The following ERC1 variants were observed in gnomAD, a reference collection of about 807,000 sequenced individuals.
ERC1 encodes RAB6 interacting protein 2.
ERC1 carries 56 observed loss-of-function variants against 132.0 expected under a neutral mutation model. The ratio of observed to expected loss-of-function variants is 0.42; its 90% CI spans 0.34 to 0.53. The LOEUF is 0.53. ERC1 is among the 20% of genes least tolerant of loss of function. ERC1 has a pLI of 0.03. For missense variants in ERC1, 1,202 were observed against 1,349.9 expected, an observed-to-expected ratio of 0.89 and a Z score of 1.72; for synonymous variants, 478 against 476.1, an observed-to-expected ratio of 1.00 and a Z score of -0.05.
intron 11 of ERC1, among the ~76,000 whole-genome samples, chr12:1,186,968 T>C (rs1955167801): frequency 6.6e-6 from 1 of 152,146 alleles, no homozygotes; most frequent in East Asian, 1.9e-4. Flanking sequence ...GTAGCTGGGA[T>C]TACAGGTGTG....
intron 15 of ERC1, among the ~76,000 whole-genome samples, chr12:1,304,904 C>T (rs2080749344): frequency 6.7e-6 from 1 of 148,962 alleles, no homozygotes; most frequent in Admixed American, 6.8e-5. Flanking sequence ...ATTCTCCTAC[C>T]TCAGCCTCCC....
intron 2 of ERC1, among the ~76,000 whole-genome samples, chr12:1,031,659 T>C (rs1287570701): frequency 6.6e-6 from 1 of 152,228 alleles, no homozygotes; most frequent in Non-Finnish European, 1.5e-5. Context: ...TACTCAAAAT[T>C]TGAATGTTTT....
chr12:1,051,518 C>T (rs1397920654), intron 2 of ERC1, among the ~76,000 whole-genome samples: 4 of 142,834 alleles, frequency 2.8e-5, no homozygotes, highest in Admixed American at 7.1e-5. Flanking sequence ...AGCAAGGCCT[C>T]GTCTCTACCC....
intron 14 of ERC1, among the ~76,000 whole-genome samples, chr12:1,266,781 A>G (rs557725855): frequency 2.6e-5 from 4 of 152,310 alleles, no homozygotes; most frequent in African/African-American, 9.6e-5. Context: ...TAATCTACAA[A>G]TGTTCTTTTG....
At chr12:1,173,833 T>C (rs1301341206) in intron 8 of ERC1, among the ~76,000 whole-genome samples, 1 of 152,228 alleles carries the variant, frequency 6.6e-6, no homozygotes, top group Admixed American at 6.5e-5. Context: ...AAAGTGAGGA[T>C]ATGTCATGGG....
At chr12:1,118,547 A>G (rs1460794384) in intron 7 of ERC1, among the ~76,000 whole-genome samples, 1 of 152,246 alleles carries the variant, frequency 6.6e-6, no homozygotes, top group Non-Finnish European at 1.5e-5. Flanking sequence ...AAATAGAACC[A>G]TCTCATCATA....
chr12:1,363,400 A>G lies in ERC1; in HGVS notation c.2781-8433A>G, dbSNP rs373124473. Among the ~76,000 whole-genome samples, 25 of 152,296 alleles carry G rather than the reference A, an allele frequency of 1.6e-4. 1 individual carries two copies. The highest frequency in any genetic ancestry group is 5.5e-4 in the African/African-American group (23 of 41,566). On this transcript the variant is annotated intron_variant, in intron 15 of 18. Coordinates refer to ENST00000360905, the MANE Select transcript of ERC1 (RefSeq NM_178040.4). ...TTCCACCTACAATTTTGTTCAATCA[A>G]TGTCATTTACTGAGCTATAATCACC... is the stretch of plus-strand genomic sequence containing the variant.
intron 13 of ERC1, among the ~76,000 whole-genome samples, chr12:1,247,067 T>C (rs2076199155): frequency 6.7e-6 from 1 of 148,826 alleles, no homozygotes; most frequent in Non-Finnish European, 1.5e-5. Flanking sequence ...AGTTTGAGGT[T>C]GCAGTGAGCC....
intron 12 of ERC1, among the ~76,000 whole-genome samples, chr12:1,223,333 A>G (rs1361689477): frequency 6.6e-6 from 1 of 152,232 alleles, no homozygotes; most frequent in African/African-American, 2.4e-5. Flanking sequence ...TAGAGCAGCA[A>G]TAACAAAGTA....
rs763328898 is a variant in ERC1 at position 1,362,470 on chromosome 12, G to GTC, written c.2781-9350_2781-9349dup. Among the ~76,000 whole-genome samples, 264 of 149,064 alleles carry GTC rather than the reference G, an allele frequency of 1.8e-3. 1 individual carries two copies. The highest frequency in any genetic ancestry group is 6.1e-3 in the African/African-American group (243 of 40,064). ...TCTGTCTCTCTCTCTCTCTCTCTCT[G>GTC]TCTCTCTCTCTCTCGAAGAGCTGGA... On this transcript the variant is annotated intron_variant, in intron 15 of 18. Transcript: ENST00000360905.
At chr12:1,481,879 T>A (rs1474826727) in intron 18 of ERC1, among the ~76,000 whole-genome samples, 1 of 152,158 alleles carries the variant, frequency 6.6e-6, no homozygotes, top group Non-Finnish European at 1.5e-5. Flanking sequence ...CATGTGTAGG[T>A]AATAATCACA....
chr12:1,258,234 A>T (rs901571555), intron 13 of ERC1, among the ~76,000 whole-genome samples: 7 of 152,202 alleles, frequency 4.6e-5, no homozygotes, highest in African/African-American at 1.4e-4. Context: ...AAACCTAAGG[A>T]ATATAGGGAT....
intron 16 of ERC1, among the ~76,000 whole-genome samples, chr12:1,407,690 T>TCA (rs2091591073): frequency 6.6e-6 from 1 of 152,228 alleles, no homozygotes; most frequent in Admixed American, 6.5e-5. Context: ...ATTTATTTTC[T>TCA]CACAGTTTGG....
intron 18 of ERC1, among the ~76,000 whole-genome samples, chr12:1,476,235 G>A (rs1406190882): frequency 1.3e-5 from 2 of 150,284 alleles, no homozygotes; most frequent in South Asian, 4.2e-4. Flanking sequence ...CAGCCAGGGC[G>A]ACGGAGCAAG....
intron 13 of ERC1, among the ~76,000 whole-genome samples, chr12:1,244,348 G>A (rs755165291): frequency 6.6e-6 from 1 of 152,004 alleles, no homozygotes; most frequent in Non-Finnish European, 1.5e-5. Flanking sequence ...TGGCTATTTA[G>A]GTGATCTCTT....
chr12:1,003,241 T>G (rs182160081), intron 1 of ERC1, among the ~76,000 whole-genome samples: 1 of 152,266 alleles, frequency 6.6e-6, no homozygotes, highest in East Asian at 1.9e-4. Flanking sequence ...CAATATGATA[T>G]CCCTGTTATT....
chr12:1,206,675 T>TA (rs756869358), intron 12 of ERC1, among the ~76,000 whole-genome samples: 15 of 152,222 alleles, frequency 9.9e-5, no homozygotes, highest in Non-Finnish European at 1.8e-4. Flanking sequence ...GATGAAAATA[T>TA]ATGATTTGGT....
intron 15 of ERC1, among the ~76,000 whole-genome samples, chr12:1,350,532 A>C (rs187357305): frequency 6.6e-6 from 1 of 152,182 alleles, no homozygotes; most frequent in East Asian, 1.9e-4. Flanking sequence ...TGTAAGCCAC[A>C]CATGGTCTAT....
At chr12:1,233,223 C>T (rs954587655) in intron 12 of ERC1, among the ~76,000 whole-genome samples, 3 of 152,090 alleles carry the variant, frequency 2.0e-5, no homozygotes, top group African/African-American at 7.2e-5. Context: ...GTAATCCCAG[C>T]ACTTTGGGAG....
Sources: allele counts gnomAD v4.1 joint callset (sites outside exome capture counted in the v4.1 genomes callset), GRCh38; gene constraint gnomAD v4.1.1; transcripts MANE v1.5; gene names NCBI Gene and HGNC (gene_info 2026-07-23, HGNC 2026-07-21).